LRPPRC: variants seen among roughly 807,000 people sequenced by gnomAD.
LRPPRC encodes the protein leucine-rich PPR motif-containing protein, mitochondrial.
In LRPPRC, 120 loss-of-function variants were observed where a neutral mutation model predicts 180.3. That is an observed-to-expected ratio of 0.67 (90% CI 0.57 to 0.77). The LOEUF is 0.77. LRPPRC is among the 30% of genes least tolerant of loss of function. The pLI, the probability that LRPPRC is intolerant of heterozygous loss-of-function variation, is 0.00. For synonymous variants in LRPPRC, 723 were observed against 600.0 expected, an observed-to-expected ratio of 1.21 and a Z score of -3.00; for missense variants, 2,012 against 1,657.2, an observed-to-expected ratio of 1.21 and a Z score of -3.72.
At chr2:43,963,876 T>G in intron 11 of LRPPRC, 170 bp from the exon 12 acceptor site, 1 of 633,560 alleles carries the variant, frequency 1.6e-6, no homozygotes, top group Non-Finnish European at 2.8e-6. Flanking sequence ...GATAAAAAAA[T>G]TAACTCCTCC....
intron 23 of LRPPRC, among the ~76,000 whole-genome samples, chr2:43,938,436 T>A (rs78202956): frequency 2.0e-5 from 3 of 152,130 alleles, no homozygotes; most frequent in African/African-American, 7.2e-5. Flanking sequence ...AGCAAGAAAT[T>A]TGGAAACTTA....
chr2:43,965,346 A>G (rs1673510378), intron 11 of LRPPRC, among the ~76,000 whole-genome samples: 1 of 152,168 alleles, frequency 6.6e-6, no homozygotes, highest in Non-Finnish European at 1.5e-5. Context: ...GGCATGAGCC[A>G]CCACGCCCAG....
intron 25 of LRPPRC, among the ~76,000 whole-genome samples, chr2:43,930,311 C>T (rs916279980): frequency 6.6e-6 from 1 of 152,042 alleles, no homozygotes; most frequent in African/African-American, 2.4e-5. Flanking sequence ...ATTGAGGGGT[C>T]ATGAGATCAT....
At chr2:43,930,199 G>C (rs889862903) in intron 25 of LRPPRC, among the ~76,000 whole-genome samples, 5 of 151,538 alleles carry the variant, frequency 3.3e-5, no homozygotes, top group Non-Finnish European at 7.4e-5. Context: ...ATGTACTCCG[G>C]CTGCACCGTG....
chr2:43,987,204 T>C (rs62135120), intron 1 of LRPPRC, among the ~76,000 whole-genome samples: 4 of 152,046 alleles, frequency 2.6e-5, no homozygotes, highest in Admixed American at 6.5e-5. Context: ...TTAAAAATGT[T>C]TGGTAATGAG....
Position 43,974,692 on chromosome 2 carries a change from T to A in LRPPRC, c.931A>T (p.Ser311Cys). 1.9e-6 allele frequency: 3 copies of A among 1,613,390 alleles called. No individual in the cohort carries two copies. The highest frequency in any genetic ancestry group is 2.5e-6 in the Non-Finnish European group (3 of 1,179,366). Residue 311 changes from serine (S) to cysteine (C), a missense_variant, in exon 8 of 38, where the codon AGC (serine) becomes TGC (cysteine). Ser to Cys is a moderately radical substitution (Grantham distance 112). Transcript: ENST00000260665. ...MDRDLLQIIF[S>C]FSKAGYPQYV... ...TGAGGATACCCAGCTTTACTGAAGC[T>A]AAAAATAATTTGCAGTAAATCACGG...
At chr2:43,977,666 C>G (rs974977457) in intron 3 of LRPPRC, among the ~76,000 whole-genome samples, 1 of 152,140 alleles carries the variant, frequency 6.6e-6, no homozygotes, top group Admixed American at 6.5e-5. Flanking sequence ...TCAGTTCTTT[C>G]ACACAGTAGG....
intron 36 of LRPPRC, chr2:43,890,421 A>G: frequency 2.2e-6 from 1 of 457,900 alleles, no homozygotes; most frequent in Non-Finnish European, 4.5e-6. Context: ...CACACACACA[A>G]AAAACCTATA....
chr2:43,902,696 A>AC (rs1441096055), intron 31 of LRPPRC: 1 of 152,228 alleles, frequency 6.6e-6, no homozygotes. Flanking sequence ...GAAACAAAAA[A>AC]TGTTTTTATA....
In LRPPRC at chr2:43,929,314, TGTACTTCGTTACTTCGTATGACTA is replaced by T. The variant is rs1166432039; in HGVS notation, c.2737-3377_2737-3354del. 4.6e-5 allele frequency among the ~76,000 whole-genome samples: 7 copies of T among 152,392 alleles called. No homozygotes were observed. In the East Asian group the frequency reaches 7.7e-4, roughly 17 times the overall value. ...ACAATAAGTACTGTAGGGAATTTTA[TGTACTTCGTTACTTCGTATGACTA>T]GTACTTCGTTACTTCTGTTTACATT... On this transcript the variant is annotated intron_variant, in intron 25 of 37. Coordinates refer to ENST00000260665, the MANE Select transcript of LRPPRC (RefSeq NM_133259.4).
chr2:43,970,374 A>C (rs1673750793), intron 11 of LRPPRC, among the ~76,000 whole-genome samples: 1 of 152,192 alleles, frequency 6.6e-6, no homozygotes, highest in Admixed American at 6.5e-5. Flanking sequence ...CAGACAAAGA[A>C]AGATATTCTG....
intron 17 of LRPPRC, 27 bp downstream of exon 17, chr2:43,948,385 A>G: frequency 7.3e-7 from 1 of 1,363,342 alleles, no homozygotes; most frequent in Non-Finnish European, 1.1e-6. Context: ...CAGGACAGGC[A>G]TTATATAGCA....
chr2:43,911,520 C>CTTTTTTTTTTTTT (rs755010502), intron 30 of LRPPRC, among the ~76,000 whole-genome samples: 7 of 113,468 alleles, frequency 6.2e-5, no homozygotes, highest in East Asian at 8.6e-4. Flanking sequence ...TCTTCTTCTT[C>CTTTTTTTTTTTTT]TTCTTTTTTT....
intron 34 of LRPPRC, among the ~76,000 whole-genome samples, chr2:43,898,840 C>T (rs1670785282): frequency 6.6e-6 from 1 of 152,132 alleles, no homozygotes; most frequent in Non-Finnish European, 1.5e-5. Context: ...TGGTGACGCA[C>T]AGTATCTAGC....
rs1213320911 is a variant in LRPPRC, at chr2:43,960,880, C to T, written c.1489-246G>A. Among the ~76,000 whole-genome samples, 4 of 152,256 alleles carry T rather than the reference C, an allele frequency of 2.6e-5. No individual in the cohort carries two copies. In the East Asian group the frequency reaches 7.7e-4, roughly 29 times the overall value. On this transcript the variant is annotated intron_variant, in intron 12 of 37. Coordinates refer to ENST00000260665, the MANE Select transcript of LRPPRC (RefSeq NM_133259.4). ...GGGCCTTACTTCCAGGATGAGTTTA[C>T]TACTGAGGACACTAGAATAATTCTC... is the stretch of plus-strand genomic sequence containing the variant.
Position 43,929,977 on chromosome 2 carries a change from CAAA to C in LRPPRC, c.2737-4019_2737-4017del, listed in dbSNP as rs879904948. Among the ~76,000 whole-genome samples the C allele has an allele frequency of 1.3e-3, 201 of 149,978 alleles. 1 individual carries two copies. The highest frequency in any genetic ancestry group is 2.4e-3 in the Admixed American group (36 of 15,016). On this transcript the variant is annotated intron_variant, in intron 25 of 37. Coordinates refer to ENST00000260665, the MANE Select transcript of LRPPRC (RefSeq NM_133259.4). The stretch of plus-strand genomic sequence containing the variant: ...ACAAACAAACAAACAAACAAACAAA[CAAA>C]CAAACCCTAGCTCTAAAATCCACTG...
chr2:43,913,684 T>C (rs1307579034), intron 29 of LRPPRC, among the ~76,000 whole-genome samples: 1 of 152,196 alleles, frequency 6.6e-6, no homozygotes, highest in African/African-American at 2.4e-5. Flanking sequence ...AAAGTAACAA[T>C]GGCAGAGATT....
rs1232663393 is a variant in LRPPRC, at chr2:43,886,832, A to G, written c.*1768T>C. 1 of 152,218 alleles carries G rather than the reference A, an allele frequency of 6.6e-6. No homozygotes were observed. Among genetic ancestry groups the G allele is most frequent in the Non-Finnish European group, 1.5e-5 (1 of 68,050 alleles). 9.4% of individuals were successfully genotyped at this position (152,218 alleles called of 1,614,324 possible). A position where few individuals can be genotyped will look rare whatever the true frequency, so the allele number is the denominator to read the frequency against. Reference sequence around the variant, plus strand: ...AAAAAATGAGGCCTGCTTCAGTGCAATCACTAAAGACAGGAGTGAGGCTCT... The same window carrying G: ...AAAAAATGAGGCCTGCTTCAGTGCAGTCACTAAAGACAGGAGTGAGGCTCT... On this transcript the variant is annotated 3_prime_UTR_variant, in exon 38 of 38. Transcript: ENST00000260665.
intron 13 of LRPPRC, chr2:43,959,227 A>T: frequency 1.4e-6 from 1 of 715,462 alleles, no homozygotes; most frequent in Non-Finnish European, 2.6e-6. Flanking sequence ...AAATCTATAT[A>T]GTATACAGAG....
Sources: allele counts gnomAD v4.1 joint callset (sites outside exome capture counted in the v4.1 genomes callset), GRCh38; gene constraint gnomAD v4.1.1; transcripts MANE v1.5; gene names NCBI Gene and HGNC (gene_info 2026-07-23, HGNC 2026-07-21).